Variants in USP14 observed in about 807,000 individuals in gnomAD.
The protein encoded by USP14 is ubiquitin specific peptidase 14.
Under a neutral mutation model 76.5 loss-of-function variants are expected in USP14, and 38 were observed. That is an observed-to-expected ratio of 0.50 (90% CI 0.38 to 0.65). USP14 has a LOEUF of 0.65. USP14 is among the 30% of genes least tolerant of loss of function. The pLI is 0.00. For missense variants in USP14, 467 were observed against 586.5 expected, an observed-to-expected ratio of 0.80 and a Z score of 2.10; for synonymous variants, 192 against 191.7, an observed-to-expected ratio of 1.00 and a Z score of -0.01.
chr18:171,502 T>C (rs1337114570), intron 3 of USP14, among the ~76,000 whole-genome samples: 3 of 152,162 alleles, frequency 2.0e-5, no homozygotes, highest in African/African-American at 7.2e-5. Context: ...GTACTGAATA[T>C]TTTAAGGCCA....
At chr18:190,362 A>G (rs1010004833) in intron 5 of USP14, among the ~76,000 whole-genome samples, 1 of 152,202 alleles carries the variant, frequency 6.6e-6, no homozygotes, top group African/African-American at 2.4e-5. Context: ...AAGGATTTAT[A>G]TATTCAGTTT....
intron 10 of USP14, among the ~76,000 whole-genome samples, chr18:202,296 C>CA (rs1362946418): frequency 1.3e-5 from 2 of 152,108 alleles, no homozygotes; most frequent in East Asian, 3.9e-4. Flanking sequence ...AAATGATGCC[C>CA]AGAGGGATAA....
intron 3 of USP14, 125 bp downstream of exon 3, chr18:166,944 T>C: frequency 1.2e-6 from 1 of 800,236 alleles, no homozygotes; most frequent in Non-Finnish European, 1.9e-6. Flanking sequence ...TGAAAATACT[T>C]ACCTTTTCCC....
chr18:214,568 A>G lies in USP14; in HGVS notation c.*3284A>G. The G allele has an allele frequency of 7.0e-7, 1 of 1,431,744 alleles. No homozygotes were observed. Among genetic ancestry groups the G allele is most frequent in the Non-Finnish European group, 9.6e-7 (1 of 1,045,904 alleles). The allele number at this position is 1,431,744 out of a possible 1,614,324, so 88.7% of individuals were successfully genotyped here. A position where few individuals can be genotyped will look rare whatever the true frequency, so the allele number is the denominator to read the frequency against. ...TACCAAAACCAGTGGACCTCTTATC[A>G]AATGCTGCTTGGTAACAAAATCTAT... is the stretch of plus-strand genomic sequence containing the variant. On this transcript the variant is annotated 3_prime_UTR_variant, in exon 16 of 16. Coordinates refer to ENST00000261601, the MANE Select transcript of USP14 (RefSeq NM_005151.4).
At chr18:195,306 A>G (rs1325363720) in intron 6 of USP14, among the ~76,000 whole-genome samples, 1 of 152,156 alleles carries the variant, frequency 6.6e-6, no homozygotes, top group Non-Finnish European at 1.5e-5. Flanking sequence ...TCCCTCCAAA[A>G]ATATTTTTTA....
chr18:186,844 A>G (rs773555852), intron 5 of USP14, among the ~76,000 whole-genome samples: 1 of 152,108 alleles, frequency 6.6e-6, no homozygotes, highest in Non-Finnish European at 1.5e-5. Context: ...TTTATAACCA[A>G]TTCAAACAGT....
intron 5 of USP14, among the ~76,000 whole-genome samples, chr18:191,253 TG>T (rs1343274234): frequency 6.6e-6 from 1 of 152,178 alleles, no homozygotes; most frequent in Non-Finnish European, 1.5e-5. Flanking sequence ...TGAATTATTG[TG>T]TATTGAAAAA....
intron 13 of USP14, among the ~76,000 whole-genome samples, chr18:209,557 A>G (rs1910615387): frequency 6.6e-6 from 1 of 152,212 alleles, no homozygotes; most frequent in Admixed American, 6.5e-5. Context: ...AGGAGGTTTA[A>G]TACAAATTGC....
chr18:199,262 G>C lies in USP14; in HGVS notation c.822G>C (p.Gln274His). Residue 274 changes from glutamine (Q) to histidine (H), a missense_variant, in exon 10 of 16, where the codon CAG becomes CAC. Coordinates refer to ENST00000261601, the MANE Select transcript of USP14 (RefSeq NM_005151.4). ...EVTKGKENQLQLSCFINQEVK... is the reference protein window; with the variant it reads ...EVTKGKENQLHLSCFINQEVK... ...CCAAAGGAAAGGAAAATCAACTTCA[G>C]CTTAGCTGTTTTATCAATCAGGAAG... 2 of 1,613,958 alleles carry C rather than the reference G, an allele frequency of 1.2e-6. No individual in the cohort carries two copies. The highest frequency in any genetic ancestry group is 1.7e-6 in the Non-Finnish European group (2 of 1,179,898).
At chr18:164,518 A>G (rs1465473186) in intron 2 of USP14, among the ~76,000 whole-genome samples, 1 of 150,884 alleles carries the variant, frequency 6.6e-6, no homozygotes, top group African/African-American at 2.4e-5. Flanking sequence ...CAGTGGTGCT[A>G]TCTTGGCTCA....
intron 1 of USP14, among the ~76,000 whole-genome samples, chr18:161,196 G>A (rs1262540194): frequency 6.6e-6 from 1 of 152,146 alleles, no homozygotes; most frequent in Non-Finnish European, 1.5e-5. Context: ...CCAAAGTGCT[G>A]GGATTACAGG....
chr18:174,222 C>A (rs1430245307), intron 3 of USP14, among the ~76,000 whole-genome samples: 1 of 151,900 alleles, frequency 6.6e-6, no homozygotes, highest in African/African-American at 2.4e-5. Context: ...TTGGGACTTA[C>A]ACATATTTTG....
In USP14 at chr18:211,177, C is replaced by A. The variant is rs1211093400; in HGVS notation, c.1378C>A (p.Pro460Thr). The A allele has an allele frequency of 6.2e-7, 1 of 1,613,854 alleles. No individual in the cohort carries two copies. Among genetic ancestry groups the A allele is most frequent in the African/African-American group, 1.3e-5 (1 of 74,906 alleles). ...TGATGACAAAGTCAGCATCGTAACA[C>A]CAGAAGATATCTTACGGCTTTCTGG... ...FDDDKVSIVT[P>T]EDILRLSGGG... The change falls in exon 16 of 16, where the codon CCA becomes ACA. Residue 460 changes from proline (P) to threonine (T), a missense_variant. By Grantham distance (38) the Pro-to-Thr change is conservative. Coordinates refer to ENST00000261601, the MANE Select transcript of USP14 (RefSeq NM_005151.4).
chr18:180,557 G>A (rs947906092), intron 5 of USP14, among the ~76,000 whole-genome samples: 4 of 152,094 alleles, frequency 2.6e-5, no homozygotes, highest in African/African-American at 9.7e-5. Context: ...AAGCAGTGTC[G>A]TACTCACTGG....
intron 5 of USP14, among the ~76,000 whole-genome samples, chr18:189,540 T>C (rs916192980): frequency 6.6e-6 from 1 of 152,064 alleles, no homozygotes; most frequent in African/African-American, 2.4e-5. Flanking sequence ...TGGAGTGCAG[T>C]GGCACAATCT....
At chr18:204,176 G>A (rs1910463012) in intron 12 of USP14, among the ~76,000 whole-genome samples, 1 of 151,218 alleles carries the variant, frequency 6.6e-6, no homozygotes, top group African/African-American at 2.4e-5. Flanking sequence ...TTACTTCTAT[G>A]TAAAGTTGTA....
chr18:174,995 CG>C (rs1174504437), intron 3 of USP14, among the ~76,000 whole-genome samples: 1 of 151,964 alleles, frequency 6.6e-6, no homozygotes, highest in Non-Finnish European at 1.5e-5. Context: ...AGGCTGTTCT[CG>C]AACTGGTCTC....
intron 2 of USP14, among the ~76,000 whole-genome samples, chr18:166,178 T>G (rs1909265872): frequency 6.6e-6 from 1 of 152,186 alleles, no homozygotes; most frequent in Admixed American, 6.5e-5. Context: ...TAGTCAAGTG[T>G]TTTTTAGTAC....
chr18:201,389 G>A (rs572415258), intron 10 of USP14, among the ~76,000 whole-genome samples: 1 of 152,214 alleles, frequency 6.6e-6, no homozygotes. Flanking sequence ...ACTGAAGTGG[G>A]ACATGGATTA....
Sources: allele counts gnomAD v4.1 joint callset (sites outside exome capture counted in the v4.1 genomes callset), GRCh38; gene constraint gnomAD v4.1.1; transcripts MANE v1.5; gene names NCBI Gene and HGNC (gene_info 2026-07-23, HGNC 2026-07-21).